LRP1B: variants seen among roughly 807,000 people sequenced by gnomAD.
The protein encoded by LRP1B is low-density lipoprotein receptor-related protein 1B.
LRP1B carries 217 observed loss-of-function variants against 556.6 expected under a neutral mutation model. The ratio of observed to expected loss-of-function variants is 0.39; its 90% CI spans 0.35 to 0.44. LRP1B has a LOEUF of 0.44. LRP1B is among the 20% of genes least tolerant of loss of function. The pLI is 1.00. For missense variants in LRP1B, 5,053 were observed against 5,620.8 expected (o/e 0.90, Z 3.23); for synonymous variants, 2,047 against 1,865.8 (o/e 1.10, Z -2.50).
intron 60 of LRP1B, among the ~76,000 whole-genome samples, chr2:140,461,120 GA>G (rs1188251192): frequency 6.6e-6 from 1 of 151,020 alleles, no homozygotes; most frequent in East Asian, 1.9e-4. Flanking sequence ...TGGCTATCCA[GA>G]ACATGGTTTT....
Position 141,829,103 on chromosome 2 carries a change from A to G in LRP1B, c.83-18702T>C, listed in dbSNP as rs568065953. Among the ~76,000 whole-genome samples, 19 of 152,182 alleles carry G rather than the reference A, an allele frequency of 1.2e-4. No individual in the cohort carries two copies. In the South Asian group the frequency reaches 3.7e-3, roughly 30 times the overall value. ...AGTAAGACATCGTTATATGTTAGCT[A>G]TTTATATTATTACTAAAATTTATAT... On this transcript the variant is annotated intron_variant, in intron 1 of 90. Coordinates refer to ENST00000389484, the MANE Select transcript of LRP1B (RefSeq NM_018557.3).
chr2:141,755,504 T>C (rs954226004), intron 2 of LRP1B, among the ~76,000 whole-genome samples: 1 of 151,972 alleles, frequency 6.6e-6, no homozygotes, highest in African/African-American at 2.4e-5. Context: ...ATAAATACTT[T>C]AATATTACTA....
At chr2:141,636,614 T>C (rs1202195579) in intron 2 of LRP1B, among the ~76,000 whole-genome samples, 1 of 152,118 alleles carries the variant, frequency 6.6e-6, no homozygotes, top group Non-Finnish European at 1.5e-5. Context: ...ACACGTAATA[T>C]CAACATATGC....
intron 7 of LRP1B, among the ~76,000 whole-genome samples, chr2:141,144,539 C>T (rs1159877681): frequency 2.0e-5 from 3 of 152,138 alleles, no homozygotes; most frequent in Non-Finnish European, 4.4e-5. Context: ...TTAAATCTCT[C>T]TAGTTACAGT....
At chr2:141,206,131 T>TCACACACACA (rs10556736) in intron 6 of LRP1B, among the ~76,000 whole-genome samples, 1 of 149,440 alleles carries the variant, frequency 6.7e-6, no homozygotes, top group Non-Finnish European at 1.5e-5. Flanking sequence ...AGTGTACTAT[T>TCACACACACA]CACACACACA....
chr2:141,108,002 T>A (rs1700650591), intron 7 of LRP1B, among the ~76,000 whole-genome samples: 1 of 152,120 alleles, frequency 6.6e-6, no homozygotes, highest in African/African-American at 2.4e-5. Context: ...GTGACAAATG[T>A]TCATTTTATT....
rs575122237 is a variant in LRP1B at position 140,992,729 on chromosome 2, C to T, written c.2644+1266G>A. 8 of 152,132 alleles carry T rather than the reference C, an allele frequency of 5.3e-5. No homozygotes were observed. The South Asian group carries it at 8.3e-4, about 16-fold the overall frequency. 9.4% of individuals were successfully genotyped at this position (152,132 alleles called of 1,614,324 possible). On this transcript the variant is annotated intron_variant, in intron 16 of 90. Coordinates refer to ENST00000389484, the MANE Select transcript of LRP1B (RefSeq NM_018557.3). Reference sequence around the variant, plus strand: ...TGAGACAATTAATCACTAAATAATACTCATTTATGTAAATTAGGACAAAAA... The same window carrying T: ...TGAGACAATTAATCACTAAATAATATTCATTTATGTAAATTAGGACAAAAA...
At chr2:141,722,293 G>T (rs562170770) in intron 2 of LRP1B, among the ~76,000 whole-genome samples, 4 of 152,090 alleles carry the variant, frequency 2.6e-5, no homozygotes, top group African/African-American at 7.2e-5. Context: ...CACGAGAATC[G>T]CTTGAACCTG....
intron 17 of LRP1B, among the ~76,000 whole-genome samples, chr2:140,985,208 G>T (rs1009968445): frequency 6.6e-6 from 1 of 151,964 alleles, no homozygotes; most frequent in Non-Finnish European, 1.5e-5. Flanking sequence ...CAGCCAAGAG[G>T]AGACTAGAGC....
intron 1 of LRP1B, among the ~76,000 whole-genome samples, chr2:141,859,279 G>T (rs769032451): frequency 6.6e-6 from 1 of 152,124 alleles, no homozygotes; most frequent in African/African-American, 2.4e-5. Flanking sequence ...CCTGGGATAA[G>T]ATAGGAAATA....
At chr2:140,972,389 C>T (rs10201500) in intron 18 of LRP1B, among the ~76,000 whole-genome samples, 111,719 of 151,986 alleles carry the variant, frequency 0.74, 41,597 homozygotes, top group Admixed American at 0.79. Flanking sequence ...TAATTATCAA[C>T]AGAAGGGAAA....
chr2:141,361,776 G>C (rs1202463778), intron 3 of LRP1B, among the ~76,000 whole-genome samples: 2 of 152,142 alleles, frequency 1.3e-5, no homozygotes, highest in Non-Finnish European at 2.9e-5. Flanking sequence ...CTTCAGAAAA[G>C]TCTATTTGAG....
At chr2:141,299,780 G>A (rs992215244) in intron 3 of LRP1B, among the ~76,000 whole-genome samples, 1 of 152,108 alleles carries the variant, frequency 6.6e-6, no homozygotes, top group African/African-American at 2.4e-5. Context: ...ATGAAAATAA[G>A]AATAATACTT....
rs1703254834 is a variant in LRP1B at position 142,019,309 on chromosome 2, G to GT, written c.82+111338dup. Among the ~76,000 whole-genome samples the GT allele has an allele frequency of 1.3e-5, 2 of 152,124 alleles. 1 individual carries two copies. Among genetic ancestry groups the GT allele is most frequent in the South Asian group, 4.1e-4 (2 of 4,834 alleles). On this transcript the variant is annotated intron_variant, in intron 1 of 90. Transcript: ENST00000389484. ...GCCTACGTTAGTTCAGTAGTTTAGT[G>GT]TTGGAAGGGAAAATAAAGTGAGTTT...
intron 1 of LRP1B, among the ~76,000 whole-genome samples, chr2:142,009,225 G>A (rs1014098650): frequency 6.6e-6 from 1 of 152,118 alleles, no homozygotes; most frequent in African/African-American, 2.4e-5. Flanking sequence ...TGAATAAGAA[G>A]TTATCATAAT....
chr2:142,053,767 C>G (rs1704556988), intron 1 of LRP1B, among the ~76,000 whole-genome samples: 1 of 152,108 alleles, frequency 6.6e-6, no homozygotes, highest in East Asian at 1.9e-4. Context: ...TCTTTGGCAA[C>G]ACATCTTATG....
chr2:140,965,151 T>C (rs1696164519), intron 18 of LRP1B, among the ~76,000 whole-genome samples: 1 of 152,158 alleles, frequency 6.6e-6, no homozygotes, highest in African/African-American at 2.4e-5. Context: ...CATATTAAAG[T>C]TCCCCTGGGG....
intron 41 of LRP1B, among the ~76,000 whole-genome samples, chr2:140,691,056 C>T (rs1436877088): frequency 6.6e-6 from 1 of 151,972 alleles, no homozygotes; most frequent in Non-Finnish European, 1.5e-5. Context: ...ATTTTTTAGC[C>T]TTTTTAAGAC....
intron 1 of LRP1B, among the ~76,000 whole-genome samples, chr2:142,059,967 C>T (rs1346921914): frequency 2.6e-5 from 4 of 151,824 alleles, no homozygotes; most frequent in African/African-American, 9.7e-5. Flanking sequence ...ATGTATTAAC[C>T]TTTTTATATC....
Sources: allele counts gnomAD v4.1 joint callset (sites outside exome capture counted in the v4.1 genomes callset), GRCh38; gene constraint gnomAD v4.1.1; transcripts MANE v1.5; gene names NCBI Gene and HGNC (gene_info 2026-07-23, HGNC 2026-07-21).